Variants in FBXL7 observed in about 807,000 individuals in gnomAD.
The protein encoded by FBXL7 is F-box and leucine rich repeat protein 7, also known as F-box/LRR-repeat protein 7.
A neutral mutation model predicts 38.3 loss-of-function variants in FBXL7; 12 were observed. The observed-to-expected ratio is 0.31, with a 90% CI of 0.20 to 0.51. FBXL7 has a LOEUF of 0.51. FBXL7 is among the 20% of genes least tolerant of loss of function. FBXL7 has a pLI of 0.98. For synonymous variants in FBXL7, 297 were observed against 300.9 expected (o/e 0.99, Z 0.13); for missense variants, 567 against 676.4 (o/e 0.84, Z 1.79).
intron 2 of FBXL7, among the ~76,000 whole-genome samples, chr5:15,880,932 T>G (rs1251860755): frequency 1.3e-5 from 2 of 151,832 alleles, no homozygotes; most frequent in East Asian, 1.9e-4. Context: ...TCTAGTACTG[T>G]TTTTTATTTT....
intron 2 of FBXL7, among the ~76,000 whole-genome samples, chr5:15,858,793 C>G (rs940484515): frequency 3.3e-5 from 5 of 151,892 alleles, no homozygotes; most frequent in Admixed American, 1.3e-4. Flanking sequence ...TAATATAGAA[C>G]CATTTTGCAG....
At chr5:15,667,430 A>C (rs1184741118) in intron 2 of FBXL7, among the ~76,000 whole-genome samples, 2 of 152,118 alleles carry the variant, frequency 1.3e-5, no homozygotes, top group East Asian at 3.9e-4. Flanking sequence ...AAAAGACTTG[A>C]ATGTCTTATT....
chr5:15,743,122 A>C (rs965888411), intron 2 of FBXL7, among the ~76,000 whole-genome samples: 3 of 152,140 alleles, frequency 2.0e-5, no homozygotes, highest in African/African-American at 7.2e-5. Flanking sequence ...GGCCCCTCCC[A>C]AAACTCATGT....
chr5:15,889,581 ACT>A (rs948047667), intron 2 of FBXL7, among the ~76,000 whole-genome samples: 8 of 152,132 alleles, frequency 5.3e-5, no homozygotes, highest in African/African-American at 1.9e-4. Context: ...CAGTTCACCA[ACT>A]CTCTGCCATA....
intron 1 of FBXL7, among the ~76,000 whole-genome samples, chr5:15,556,259 C>T (rs1018294920): frequency 7.9e-5 from 12 of 152,002 alleles, no homozygotes; most frequent in Non-Finnish European, 1.8e-4. Flanking sequence ...GCCTGAGAAC[C>T]AGGAGTCCTA....
chr5:15,696,852 G>C (rs2126628847), intron 2 of FBXL7, among the ~76,000 whole-genome samples: 1 of 152,312 alleles, frequency 6.6e-6, no homozygotes, highest in South Asian at 2.1e-4. Flanking sequence ...ATTCAGTTTA[G>C]GGGTATCTTC....
At chr5:15,727,360 C>A (rs1339874339) in intron 2 of FBXL7, among the ~76,000 whole-genome samples, 1 of 152,182 alleles carries the variant, frequency 6.6e-6, no homozygotes, top group Non-Finnish European at 1.5e-5. Context: ...CCCTTCAGGG[C>A]CTCCTTGAGC....
intron 2 of FBXL7, among the ~76,000 whole-genome samples, chr5:15,766,710 T>C (rs1736600284): frequency 6.6e-6 from 1 of 152,256 alleles, no homozygotes; most frequent in Admixed American, 6.5e-5. Context: ...GAAAGAGTAA[T>C]TCATGACTTT....
chr5:15,590,753 G>A (rs1474875011), intron 1 of FBXL7, among the ~76,000 whole-genome samples: 1 of 152,074 alleles, frequency 6.6e-6, no homozygotes, highest in Non-Finnish European at 1.5e-5. Flanking sequence ...TGGATGTGTT[G>A]AGAGGCGTTG....
intron 1 of FBXL7, among the ~76,000 whole-genome samples, chr5:15,586,790 C>A (rs763909849): frequency 1.3e-5 from 2 of 151,804 alleles, no homozygotes; most frequent in Non-Finnish European, 3.0e-5. Flanking sequence ...CTGGTAAAAA[C>A]ACTTTAAAAA....
intron 2 of FBXL7, among the ~76,000 whole-genome samples, chr5:15,808,324 A>C (rs1737769626): frequency 1.3e-5 from 2 of 152,054 alleles, no homozygotes; most frequent in African/African-American, 4.8e-5. Flanking sequence ...ATTTAAGTGG[A>C]GTAAGAAGGG....
intron 2 of FBXL7, among the ~76,000 whole-genome samples, chr5:15,847,467 G>A (rs954363787): frequency 4.6e-5 from 7 of 152,030 alleles, no homozygotes; most frequent in African/African-American, 1.4e-4. Flanking sequence ...GGGATTATGG[G>A]AACTACAATT....
At chr5:15,508,059 C>A (rs997797500) in intron 1 of FBXL7, among the ~76,000 whole-genome samples, 5 of 151,996 alleles carry the variant, frequency 3.3e-5, no homozygotes, top group African/African-American at 1.2e-4. Context: ...ACATATATAT[C>A]TTAAGTCAAA....
intron 2 of FBXL7, among the ~76,000 whole-genome samples, chr5:15,655,264 G>A (rs1304999063): frequency 2.6e-5 from 4 of 152,174 alleles, no homozygotes; most frequent in Non-Finnish European, 5.9e-5. Flanking sequence ...GAGAGGCCGT[G>A]GCGGGTGAAT....
intron 2 of FBXL7, among the ~76,000 whole-genome samples, chr5:15,730,053 C>T (rs548150803): frequency 1.3e-5 from 2 of 152,262 alleles, no homozygotes; most frequent in Admixed American, 6.5e-5. Context: ...AACATCTAGA[C>T]CACTAGCTTC....
intron 1 of FBXL7, among the ~76,000 whole-genome samples, chr5:15,563,024 A>C (rs1738461093): frequency 6.6e-6 from 1 of 152,080 alleles, no homozygotes; most frequent in East Asian, 1.9e-4. Flanking sequence ...AGCAGAACTT[A>C]CTTATCTTTT....
chr5:15,857,900 T>A (rs923686436), intron 2 of FBXL7, among the ~76,000 whole-genome samples: 1 of 152,204 alleles, frequency 6.6e-6, no homozygotes, highest in African/African-American at 2.4e-5. Flanking sequence ...TATATGTGTA[T>A]AATTATTGAA....
intron 2 of FBXL7, among the ~76,000 whole-genome samples, chr5:15,773,822 CAG>C (rs1420446260): frequency 6.6e-6 from 1 of 151,962 alleles, no homozygotes; most frequent in Non-Finnish European, 1.5e-5. Context: ...CTACTTGGAA[CAG>C]GGGGATGAGT....
chr5:15,763,587 T>C (rs1409695171), intron 2 of FBXL7, among the ~76,000 whole-genome samples: 3 of 152,232 alleles, frequency 2.0e-5, no homozygotes, highest in African/African-American at 7.2e-5. Flanking sequence ...AGCAATCTCA[T>C]AATATTACAT....
Sources: allele counts gnomAD v4.1 joint callset (sites outside exome capture counted in the v4.1 genomes callset), GRCh38; gene constraint gnomAD v4.1.1; transcripts MANE v1.5; gene names NCBI Gene and HGNC (gene_info 2026-07-23, HGNC 2026-07-21).